The following ENPP4 variants were observed in gnomAD, a reference collection of about 807,000 sequenced individuals.
The protein encoded by ENPP4 is ectonucleotide pyrophosphatase/phosphodiesterase 4.
In ENPP4, 18 loss-of-function variants were observed where a neutral mutation model predicts 33.4. The observed-to-expected ratio is 0.54, with a 90% CI of 0.37 to 0.80. ENPP4 has a LOEUF of 0.80. ENPP4 is among the 30% of genes least tolerant of loss of function. ENPP4 has a pLI of 0.00. For missense variants in ENPP4, 480 were observed against 541.7 expected (o/e 0.89, Z 1.13); for synonymous variants, 172 against 189.9 (o/e 0.91, Z 0.78).
chr6:46,143,671 GATTA>G lies in ENPP4; in HGVS notation c.*34_*37del. On this transcript the variant is annotated 3_prime_UTR_variant, in exon 4 of 4. Transcript: ENST00000321037. ...GCTAGGGCTTATACAAAGTGTCTTT[GATTA>G]ATCACAAAACTAAGAATACATCCAA... The G allele has an allele frequency of 2.6e-6, 4 of 1,553,668 alleles. No individual in the cohort carries two copies. The South Asian group carries it at 3.7e-5, about 14-fold the overall frequency.
In ENPP4 at chr6:46,144,958, G is replaced by T; in HGVS notation, c.*1318G>T. On this transcript the variant is annotated 3_prime_UTR_variant, in exon 4 of 4. Coordinates refer to ENST00000321037, the MANE Select transcript of ENPP4 (RefSeq NM_014936.5). ...AAGAACTGTCATCCTGCCTTTGCTA[G>T]CTGGTACCTTCTAGTAATCAAAATT... 1 of 396,448 alleles carries T rather than the reference G, an allele frequency of 2.5e-6. No individual in the cohort carries two copies. Among genetic ancestry groups the T allele is most frequent in the East Asian group, 3.6e-5 (1 of 28,008 alleles). 24.6% of individuals were successfully genotyped at this position (396,448 alleles called of 1,614,324 possible). A position where few individuals can be genotyped will look rare whatever the true frequency, so the allele number is the denominator to read the frequency against.
At chr6:46,136,088 T>C (rs952983331) in intron 1 of ENPP4, among the ~76,000 whole-genome samples, 2 of 151,998 alleles carry the variant, frequency 1.3e-5, no homozygotes, top group Non-Finnish European at 2.9e-5. Flanking sequence ...TTTATGAGTA[T>C]TTTTCCCCGT....
intron 1 of ENPP4, among the ~76,000 whole-genome samples, chr6:46,131,483 G>GA (rs1259685497): frequency 6.6e-6 from 1 of 152,088 alleles, no homozygotes; most frequent in Non-Finnish European, 1.5e-5. Flanking sequence ...CAAAGGACAT[G>GA]AACTCATCAT....
intron 1 of ENPP4, among the ~76,000 whole-genome samples, chr6:46,131,169 A>T (rs994778500): frequency 6.6e-6 from 1 of 151,456 alleles, no homozygotes; most frequent in Non-Finnish European, 1.5e-5. Flanking sequence ...ATTAATTATT[A>T]TTATTATACC....
rs756708564 is a variant in ENPP4, at chr6:46,139,684, AT to A, written c.102del (p.Asp34GlufsTer8). ...CCTAAGTTACTACTAGTATCCTTTGATGGCTTCAGAGCTGATTATCTGAAGA... is the reference window on the plus strand; with the variant it reads ...CCTAAGTTACTACTAGTATCCTTTGAGGCTTCAGAGCTGATTATCTGAAGA... ...LPPKLLLVSF[D>X]GFRADYLKNY... On this transcript the variant is annotated frameshift_variant, in exon 2 of 4. Transcript: ENST00000321037. LOFTEE classifies it high-confidence loss of function. 7.5e-6 allele frequency: 12 copies of A among 1,610,260 alleles called. No individual in the cohort carries two copies. Among genetic ancestry groups the A allele is most frequent in the Non-Finnish European group, 1.0e-5 (12 of 1,177,278 alleles).
rs1764119256 is a variant in ENPP4, at chr6:46,144,739, T to TA, written c.*1100dup. On this transcript the variant is annotated 3_prime_UTR_variant, in exon 4 of 4. Coordinates refer to ENST00000321037, the MANE Select transcript of ENPP4 (RefSeq NM_014936.5). ...ATTTTTGTATTTATCTTTGGGACTT[T>TA]ATGCCTTACTTTTTAGGCTATAGAA... 2 of 377,158 alleles carry TA rather than the reference T, an allele frequency of 5.3e-6. No individual in the cohort carries two copies. The highest frequency in any genetic ancestry group is 4.2e-5 in the African/African-American group (2 of 48,026). 23.4% of individuals were successfully genotyped at this position (377,158 alleles called of 1,614,324 possible).
rs1026143711 is a variant in ENPP4 at position 46,144,638 on chromosome 6, G to A, written c.*998G>A. Reference sequence around the variant, plus strand: ...CTCTCTCATGTTTGTTGTAACCTGAGGTATCCAAATGCTACAGAAAAATTT... The same window carrying A: ...CTCTCTCATGTTTGTTGTAACCTGAAGTATCCAAATGCTACAGAAAAATTT... On this transcript the variant is annotated 3_prime_UTR_variant, in exon 4 of 4. Transcript: ENST00000321037. The A allele has an allele frequency of 1.1e-5, 3 of 266,022 alleles. No homozygotes were observed. Among genetic ancestry groups the A allele is most frequent in the African/African-American group, 6.6e-5 (3 of 45,570 alleles). The allele number at this position is 266,022 out of a possible 1,614,324, so 16.5% of individuals were successfully genotyped here.
chr6:46,136,731 A>T (rs1307128953), intron 1 of ENPP4, among the ~76,000 whole-genome samples: 1 of 151,930 alleles, frequency 6.6e-6, no homozygotes, highest in Non-Finnish European at 1.5e-5. Flanking sequence ...AGTAGGCAGC[A>T]GGTGTGAGGT....
chr6:46,136,815 A>T (rs1763984651), intron 1 of ENPP4, among the ~76,000 whole-genome samples: 1 of 151,950 alleles, frequency 6.6e-6, no homozygotes, highest in East Asian at 1.9e-4. Context: ...GGTATTGAGG[A>T]CTAAAAAATA....
Position 46,145,494 on chromosome 6 carries a change from C to T in ENPP4, c.*1854C>T, listed in dbSNP as rs1208093818. ...TAATAGAAAAATTCTACTTTAATTT[C>T]CATTAAAAAGCAAATAGCATTGACA... On this transcript the variant is annotated 3_prime_UTR_variant, in exon 4 of 4. Transcript: ENST00000321037. The T allele has an allele frequency of 6.6e-6, 1 of 151,788 alleles. No individual in the cohort carries two copies. The highest frequency in any genetic ancestry group is 2.4e-5 in the African/African-American group (1 of 41,358). 9.4% of individuals were successfully genotyped at this position (151,788 alleles called of 1,614,324 possible). A position where few individuals can be genotyped will look rare whatever the true frequency, so the allele number is the denominator to read the frequency against.
chr6:46,143,436 T>C lies in ENPP4; in HGVS notation c.1158T>C (p.Asn386=). The change falls in exon 4 of 4, where the codon AAT becomes AAC. Residue 386 remains asparagine (N), a synonymous_variant. Transcript: ENST00000321037. ...HILGLKPHPN[N]GTFGHTKCLL... ...TGGGATTAAAACCACATCCCAATAATGGGACCTTTGGTCATACTAAGTGCT... is the reference window on the plus strand; with the variant it reads ...TGGGATTAAAACCACATCCCAATAACGGGACCTTTGGTCATACTAAGTGCT... 6.2e-7 allele frequency: 1 copy of C among 1,612,842 alleles called. No individual in the cohort carries two copies. Among genetic ancestry groups the C allele is most frequent in the East Asian group, 2.2e-5 (1 of 44,852 alleles).
chr6:46,133,077 A>C (rs1763925817), intron 1 of ENPP4, among the ~76,000 whole-genome samples: 1 of 152,194 alleles, frequency 6.6e-6, no homozygotes. Context: ...TTCTAGATAT[A>C]CAATCATGTC....
At position 46,140,051 on chromosome 6, in the gene ENPP4, C is replaced by T. The variant is rs771757230; in HGVS notation, c.468C>T (p.Ser156=). ...CTTCCTATTTTATGAATTACAACTCCTCAGTGTCATTTGAGGAAAGACTAA... is the reference window on the plus strand; with the variant it reads ...CTTCCTATTTTATGAATTACAACTCTTCAGTGTCATTTGAGGAAAGACTAA... ...TISSYFMNYN[S]SVSFEERLNN... The change falls in exon 2 of 4, where the codon TCC becomes TCT. Residue 156 remains serine, a synonymous_variant. Transcript: ENST00000321037. 1.2e-6 allele frequency: 2 copies of T among 1,612,652 alleles called. No individual in the cohort carries two copies. The highest frequency in any genetic ancestry group is 1.7e-6 in the Non-Finnish European group (2 of 1,179,010).
chr6:46,137,356 A>G (rs1341860341), intron 1 of ENPP4, among the ~76,000 whole-genome samples: 1 of 151,862 alleles, frequency 6.6e-6, no homozygotes, highest in Non-Finnish European at 1.5e-5. Flanking sequence ...GGAAAGAAAT[A>G]TTTGGATATG....
chr6:46,131,933 T>G (rs1230188068), intron 1 of ENPP4, among the ~76,000 whole-genome samples: 1 of 152,062 alleles, frequency 6.6e-6, no homozygotes, highest in Non-Finnish European at 1.5e-5. Flanking sequence ...TTTTCATGTG[T>G]TTTTTGGCTG....
chr6:46,139,848 G>A lies in ENPP4; in HGVS notation c.265G>A (p.Val89Met). 1 of 1,612,566 alleles carries A rather than the reference G, an allele frequency of 6.2e-7. No homozygotes were observed. Among genetic ancestry groups the A allele is most frequent in the Non-Finnish European group, 8.5e-7 (1 of 1,178,994 alleles). ...CTTGTATGAAGAAAGCCATGGCATT[G>A]TGGCTAATTCCATGTATGATGCAGT... Reference protein sequence around the residue: ...TGLYEESHGIVANSMYDAVTK... With the variant: ...TGLYEESHGIMANSMYDAVTK... The change falls in exon 2 of 4, where the codon GTG (valine) becomes ATG (methionine). Residue 89 changes from valine (V) to methionine (M), a missense_variant. Val to Met is a conservative substitution (Grantham distance 21). Transcript: ENST00000321037.
chr6:46,133,442 T>C (rs779603577), intron 1 of ENPP4, among the ~76,000 whole-genome samples: 6 of 152,178 alleles, frequency 3.9e-5, no homozygotes, highest in Non-Finnish European at 8.8e-5. Flanking sequence ...GGCGTGCTAA[T>C]AGTGACAAAT....
In ENPP4 at chr6:46,141,063, G is replaced by A. The variant is rs139451582; in HGVS notation, c.838G>A (p.Val280Ile). ...TTTTTTTTTCTCAGATAGAACAGAGGTTTATAACAAACTGAAAAACTGTAG... is the reference window on the plus strand; with the variant it reads ...TTTTTTTTTCTCAGATAGAACAGAGATTTATAACAAACTGAAAAACTGTAG... ...AILPKINRTE[V>I]YNKLKNCSPH... Residue 280 changes from valine (V) to isoleucine (I), a missense_variant, in exon 3 of 4, where the codon GTT becomes ATT. By Grantham distance (29) the Val-to-Ile change is conservative. Transcript: ENST00000321037. 6.9e-6 allele frequency: 11 copies of A among 1,598,780 alleles called. No individual in the cohort carries two copies. The highest frequency in any genetic ancestry group is 1.4e-5 in the African/African-American group (1 of 73,716).
At chr6:46,140,844 A>G (rs1764050223) in intron 2 of ENPP4, among the ~76,000 whole-genome samples, 1 of 151,680 alleles carries the variant, frequency 6.6e-6, no homozygotes, top group South Asian at 2.1e-4. Context: ...GTAATCCACA[A>G]AGTGAAACAG....
Sources: allele counts gnomAD v4.1 joint callset (sites outside exome capture counted in the v4.1 genomes callset), GRCh38; gene constraint gnomAD v4.1.1; transcripts MANE v1.5; gene names NCBI Gene and HGNC (gene_info 2026-07-23, HGNC 2026-07-21).